DYRK3: variants seen among roughly 807,000 people sequenced by gnomAD.
The protein encoded by DYRK3 is dual specificity tyrosine phosphorylation regulated kinase 3.
A neutral mutation model predicts 40.8 loss-of-function variants in DYRK3; 30 were observed. The ratio of observed to expected loss-of-function variants is 0.74; its 90% confidence interval spans 0.55 to 1.00. DYRK3 has a LOEUF of 1.00. DYRK3 is among the 50% of genes least tolerant of loss of function. The probability of loss-of-function intolerance (pLI) is 0.00; values close to 1 mark genes in which losing one functional copy is unlikely to be tolerated. For missense variants in DYRK3, 699 were observed against 731.5 expected, an observed-to-expected ratio of 0.96 and a Z score of 0.51; for synonymous variants, 272 against 260.7, an observed-to-expected ratio of 1.04 and a Z score of -0.42.
chr1:206,636,421 C>CG (rs1553418350), intron 1 of DYRK3, among the ~76,000 whole-genome samples: 1 of 152,146 alleles, frequency 6.6e-6, no homozygotes. Context: ...TATATGTGGA[C>CG]GCCTATCCTG....
At chr1:206,636,922 T>C (rs1277241206) in intron 1 of DYRK3, 3 of 1,613,718 alleles carry the variant, frequency 1.9e-6, no homozygotes, top group Middle Eastern at 1.7e-4. Context: ...CTTAATCATT[T>C]AGAATTTTGC....
intron 2 of DYRK3, among the ~76,000 whole-genome samples, chr1:206,645,347 T>C (rs1476732126): frequency 6.6e-6 from 1 of 152,200 alleles, no homozygotes; most frequent in African/African-American, 2.4e-5. Context: ...TCTGAAATTA[T>C]CAAACAGATA....
At chr1:206,641,997 C>T (rs1484320939) in intron 2 of DYRK3, among the ~76,000 whole-genome samples, 1 of 150,672 alleles carries the variant, frequency 6.6e-6, no homozygotes, top group Non-Finnish European at 1.5e-5. Flanking sequence ...AGGCAACCTA[C>T]AGAATGGGAG....
intron 2 of DYRK3, among the ~76,000 whole-genome samples, chr1:206,640,162 C>A (rs1402566866): frequency 1.3e-5 from 2 of 151,810 alleles, no homozygotes; most frequent in African/African-American, 2.4e-5. Context: ...TCCCGAACCC[C>A]TGACCTCAGG....
intron 2 of DYRK3, among the ~76,000 whole-genome samples, chr1:206,646,590 T>C (rs1158849667): frequency 5.3e-5 from 8 of 152,206 alleles, no homozygotes; most frequent in African/African-American, 9.7e-5. Flanking sequence ...TTAGAGCTTT[T>C]GTGATTCAAT....
rs1252395170 is a variant in DYRK3 at position 206,654,797 on chromosome 1, G to C, written c.*5832G>C. ...CATCGTCTAGACTTTGAAGAAGCAG[G>C]GTATGATTCTTAATATAGCCCACCC... On this transcript the variant is annotated 3_prime_UTR_variant, in exon 3 of 3. Coordinates refer to ENST00000367109, the MANE Select transcript of DYRK3 (RefSeq NM_003582.4). Among the ~76,000 whole-genome samples, 1 of 152,132 alleles carries C rather than the reference G, an allele frequency of 6.6e-6. No individual in the cohort carries two copies. The highest frequency in any genetic ancestry group is 1.5e-5 in the Non-Finnish European group (1 of 68,020).
intron 1 of DYRK3, chr1:206,636,963 A>G: frequency 6.2e-7 from 1 of 1,604,724 alleles, no homozygotes; most frequent in Non-Finnish European, 8.5e-7. Flanking sequence ...TGAAGTGGAA[A>G]GAGAAGTAAA....
chr1:206,647,293 A>G, intron 2 of DYRK3, 95 bp from the exon 3 acceptor site: 1 of 1,253,152 alleles, frequency 8.0e-7, no homozygotes, highest in Non-Finnish European at 1.1e-6. Context: ...AGTAAACATG[A>G]CTGGACATGT....
At chr1:206,644,050 T>TTTTTTTTTTTTTTTTG (rs1671377318) in intron 2 of DYRK3, among the ~76,000 whole-genome samples, 1 of 148,346 alleles carries the variant, frequency 6.7e-6, no homozygotes, top group African/African-American at 2.5e-5. Context: ...TTTTTTTTTT[T>TTTTTTTTTTTTTTTTG]TTGAGAAGTA....
At position 206,648,313 on chromosome 1, in the gene DYRK3, C is replaced by T; in HGVS notation, c.1115C>T (p.Ser372Phe). 1 of 1,614,182 alleles carries T rather than the reference C, an allele frequency of 6.2e-7. No homozygotes were observed. The highest frequency in any genetic ancestry group is 8.5e-7 in the Non-Finnish European group (1 of 1,180,024). ...EYQKLYTYIQ[S>F]RFYRAPEIIL... ...CAGAAGCTCTACACATATATCCAGT[C>T]TCGGTTCTACAGAGCTCCAGAAATC... Residue 372 changes from serine to phenylalanine, a missense_variant, in exon 3 of 3, where the codon TCT (serine) becomes TTT (phenylalanine). By Grantham distance (155) the Ser-to-Phe change is radical. Transcript: ENST00000367109.
intron 1 of DYRK3, 187 bp downstream of exon 1, chr1:206,635,967 C>G (rs1671093404): frequency 7.5e-7 from 1 of 1,337,422 alleles, no homozygotes; most frequent in African/African-American, 1.5e-5. Context: ...CCATCCCTGT[C>G]TCACCGGGCG....
Position 206,654,492 on chromosome 1 carries a change from T to C in DYRK3, c.*5527T>C, listed in dbSNP as rs984919839. The stretch of plus-strand genomic sequence containing the variant: ...AGTTCTCTTCTGCCAGGGATTAGCC[T>C]CCTAGTTTTAAATATATTTTTAATA... On this transcript the variant is annotated 3_prime_UTR_variant, in exon 3 of 3. Transcript: ENST00000367109. 5.3e-5 allele frequency among the ~76,000 whole-genome samples: 8 copies of C among 152,220 alleles called. No individual in the cohort carries two copies. Among genetic ancestry groups the C allele is most frequent in the African/African-American group, 1.4e-4 (6 of 41,458 alleles).
chr1:206,636,396 T>C (rs1416895402), intron 1 of DYRK3, among the ~76,000 whole-genome samples: 1 of 152,224 alleles, frequency 6.6e-6, no homozygotes, highest in African/African-American at 2.4e-5. Context: ...ATTTTGCACG[T>C]TTTCTTTTTC....
Position 206,646,180 on chromosome 1 carries a change from T to C in DYRK3, c.190-1208T>C, listed in dbSNP as rs561567711. Among the ~76,000 whole-genome samples the C allele has an allele frequency of 3.6e-3, 543 of 152,330 alleles. 4 individuals are homozygous for C. Among genetic ancestry groups the C allele is most frequent in the African/African-American group, 0.012 (518 of 41,568 alleles). On this transcript the variant is annotated intron_variant, in intron 2 of 2. Coordinates refer to ENST00000367109, the MANE Select transcript of DYRK3 (RefSeq NM_003582.4). Reference sequence around the variant, plus strand: ...ATTTTATTTTTTAAGGTGTCCAGTATGATGTTTTGATACACATAGTGAAAT... The same window carrying C: ...ATTTTATTTTTTAAGGTGTCCAGTACGATGTTTTGATACACATAGTGAAAT...
rs1671606649 is a variant in DYRK3 at position 206,650,623 on chromosome 1, T to G, written c.*1658T>G. ...TAGTTCTCAGAATGATCCAGTTCCA[T>G]TTATTATTCTAGAATGTGGTGCAAA... is the stretch of plus-strand genomic sequence containing the variant. On this transcript the variant is annotated 3_prime_UTR_variant, in exon 3 of 3. Transcript: ENST00000367109. 6.6e-6 allele frequency among the ~76,000 whole-genome samples: 1 copy of G among 151,954 alleles called. No individual in the cohort carries two copies. The highest frequency in any genetic ancestry group is 2.1e-4 in the South Asian group (1 of 4,826).
intron 2 of DYRK3, among the ~76,000 whole-genome samples, chr1:206,642,879 CAT>C (rs1358002289): frequency 3.7e-4 from 56 of 151,884 alleles, no homozygotes; most frequent in African/African-American, 1.3e-3. Context: ...ACATATGTAA[CAT>C]ATGTAACCTG....
At position 206,651,575 on chromosome 1, in the gene DYRK3, T is replaced by G. The variant is rs764274075; in HGVS notation, c.*2610T>G. 2.0e-5 allele frequency among the ~76,000 whole-genome samples: 3 copies of G among 152,220 alleles called. No homozygotes were observed. Among genetic ancestry groups the G allele is most frequent in the Non-Finnish European group, 2.9e-5 (2 of 68,038 alleles). On this transcript the variant is annotated 3_prime_UTR_variant, in exon 3 of 3. Transcript: ENST00000367109. ...CTCAAATCTACTCTTTCAGTAGATA[T>G]GAGCTTACATTGACTTATGAATGGT...
chr1:206,637,236 C>T (rs981057375), intron 1 of DYRK3, among the ~76,000 whole-genome samples: 1 of 152,188 alleles, frequency 6.6e-6, no homozygotes, highest in African/African-American at 2.4e-5. Flanking sequence ...GTAGCACAGC[C>T]AGTGTTAGAG....
rs368214661 is a variant in DYRK3, at chr1:206,647,409, G to A, written c.211G>A (p.Gly71Arg). Residue 71 changes from glycine (G) to arginine (R), a missense_variant, in exon 3 of 3, where the codon GGA becomes AGA. Coordinates refer to ENST00000367109, the MANE Select transcript of DYRK3 (RefSeq NM_003582.4). ...RLNMTTEQFTGDHTQHFLDGG... is the reference protein window; with the variant it reads ...RLNMTTEQFTRDHTQHFLDGG... ...ATAGATGACCACTGAGCAGTTTACA[G>A]GAGATCATACTCAGCACTTTTTGGA... 1.4e-5 allele frequency: 23 copies of A among 1,612,210 alleles called. No individual in the cohort carries two copies. Among genetic ancestry groups the A allele is most frequent in the African/African-American group, 1.3e-4 (10 of 74,948 alleles).
Sources: allele counts gnomAD v4.1 joint callset (sites outside exome capture counted in the v4.1 genomes callset), GRCh38; gene constraint gnomAD v4.1.1; transcripts MANE v1.5; gene names NCBI Gene and HGNC (gene_info 2026-07-23, HGNC 2026-07-21).